The following ERC2 variants were observed in gnomAD, a reference collection of about 807,000 sequenced individuals.
ERC2 encodes ERC protein 2.
Under a neutral mutation model 114.8 loss-of-function variants are expected in ERC2, and 42 were observed. The ratio of observed to expected loss-of-function variants is 0.37; its 90% CI spans 0.29 to 0.47. The LOEUF is 0.47. ERC2 is among the 20% of genes least tolerant of loss of function. ERC2 has a pLI of 0.99. For synonymous variants in ERC2, 454 were observed against 425.5 expected (o/e 1.07, Z -0.82); for missense variants, 939 against 1,150.7 (o/e 0.82, Z 2.66).
chr3:56,134,902 ATCTC>A (rs201097847), intron 6 of ERC2, among the ~76,000 whole-genome samples: 7 of 144,912 alleles, frequency 4.8e-5, no homozygotes, highest in Non-Finnish European at 1.1e-4. Context: ...TCAGAAATAA[ATCTC>A]TCTCTTTTTT....
intron 4 of ERC2, among the ~76,000 whole-genome samples, chr3:56,164,267 C>G (rs1032045811): frequency 6.6e-6 from 1 of 151,956 alleles, no homozygotes; most frequent in Non-Finnish European, 1.5e-5. Context: ...CCTCCTTCCC[C>G]CTAGCTCCTG....
chr3:55,734,754 C>T lies in ERC2; in HGVS notation c.2712+17G>A. 1 of 1,600,076 alleles carries T rather than the reference C, an allele frequency of 6.2e-7. No individual in the cohort carries two copies. Among genetic ancestry groups the T allele is most frequent in the South Asian group, 1.1e-5 (1 of 87,938 alleles). ...CCCAAACCCAGAAAAACACACCTGT[C>T]TTGCAGGAGGCCCCACCTGCTGCTT... On this transcript the variant is annotated intron_variant, in intron 15 of 17. Transcript: ENST00000288221.
chr3:56,401,953 G>T (rs1488269729), intron 2 of ERC2, among the ~76,000 whole-genome samples: 2 of 152,204 alleles, frequency 1.3e-5, no homozygotes, highest in Non-Finnish European at 2.9e-5. Context: ...ATGGCAGAAG[G>T]CAAAGGGGAA....
chr3:56,103,815 G>A (rs2078496143), intron 6 of ERC2, among the ~76,000 whole-genome samples: 2 of 151,846 alleles, frequency 1.3e-5, no homozygotes, highest in South Asian at 4.2e-4. Flanking sequence ...AAAGGGGCAG[G>A]AGGAGAGAAG....
At chr3:56,216,543 C>G (rs1285773084) in intron 3 of ERC2, among the ~76,000 whole-genome samples, 9 of 152,214 alleles carry the variant, frequency 5.9e-5, no homozygotes, top group African/African-American at 2.2e-4. Context: ...GACAGATTCA[C>G]AGCCGAATTC....
In ERC2 at chr3:55,734,678, TG is replaced by T. The variant is rs2065512121; in HGVS notation, c.2712+92del. On this transcript the variant is annotated intron_variant, in intron 15 of 17. Transcript: ENST00000288221. ...GTTTTAGGAGCTTGAGCCCACAGGA[TG>T]GACATGGGAAAATGAAGAGTGGCTA... 5 of 1,476,126 alleles carry T rather than the reference TG, an allele frequency of 3.4e-6. No individual in the cohort carries two copies. In the South Asian group the frequency reaches 7.1e-5, roughly 21 times the overall value. 91.4% of individuals were successfully genotyped at this position (1,476,126 alleles called of 1,614,324 possible).
chr3:56,223,353 CTGAT>C (rs1013585384), intron 3 of ERC2, among the ~76,000 whole-genome samples: 7 of 152,064 alleles, frequency 4.6e-5, no homozygotes, highest in African/African-American at 1.7e-4. Context: ...TCACACCACA[CTGAT>C]TGAATTATGC....
At chr3:55,923,566 G>A (rs1449032608) in intron 13 of ERC2, among the ~76,000 whole-genome samples, 1 of 151,992 alleles carries the variant, frequency 6.6e-6, no homozygotes. Flanking sequence ...AGCAAACAAG[G>A]AATTATTTTC....
intron 2 of ERC2, among the ~76,000 whole-genome samples, chr3:56,431,830 TAC>T (rs1469157385): frequency 6.6e-6 from 1 of 152,224 alleles, no homozygotes; most frequent in Admixed American, 6.5e-5. Flanking sequence ...GTATTAAATA[TAC>T]AGATTAATAC....
At chr3:56,421,054 A>G (rs2061371469) in intron 2 of ERC2, among the ~76,000 whole-genome samples, 1 of 152,186 alleles carries the variant, frequency 6.6e-6, no homozygotes, top group Admixed American at 6.5e-5. Flanking sequence ...GTGTTGGTCA[A>G]TATAACTTCC....
At chr3:55,862,636 C>G (rs911178750) in intron 14 of ERC2, among the ~76,000 whole-genome samples, 7 of 152,198 alleles carry the variant, frequency 4.6e-5, no homozygotes, top group Non-Finnish European at 8.8e-5. Flanking sequence ...CCTGATTTCT[C>G]TTTGGCCTAG....
chr3:55,699,388 G>A lies in ERC2; in HGVS notation c.2837C>T (p.Ser946Phe). 2 of 1,613,804 alleles carry A rather than the reference G, an allele frequency of 1.2e-6. No homozygotes were observed. Among genetic ancestry groups the A allele is most frequent in the African/African-American group, 1.3e-5 (1 of 75,018 alleles). The change falls in exon 16 of 18, where the codon TCT becomes TTT. Residue 946 changes from serine (S) to phenylalanine (F), a missense_variant. By Grantham distance (155) the Ser-to-Phe change is radical. Transcript: ENST00000288221. The part of the protein sequence containing the change: ...GRSQHSNHRP[S>F]PDQDDEEGIW... Reference sequence around the variant, plus strand: ...AGCGATGAAACTGACCTGGTCCGGAGAGGGCCTGTGATTGGAATGTTGCGA... The same window carrying A: ...AGCGATGAAACTGACCTGGTCCGGAAAGGGCCTGTGATTGGAATGTTGCGA...
intron 7 of ERC2, among the ~76,000 whole-genome samples, chr3:56,046,586 G>C (rs117419480): frequency 1.3e-5 from 2 of 152,244 alleles, no homozygotes; most frequent in East Asian, 1.9e-4. Context: ...AAACAAAGAG[G>C]CTGAAGATAT....
intron 3 of ERC2, among the ~76,000 whole-genome samples, chr3:56,174,344 T>C (rs1486855119): frequency 1.3e-5 from 2 of 152,242 alleles, no homozygotes; most frequent in Admixed American, 1.3e-4. Flanking sequence ...ATAAGGACAA[T>C]GTGTGTTCAG....
chr3:56,341,703 G>C (rs2058096375), intron 2 of ERC2, among the ~76,000 whole-genome samples: 1 of 152,096 alleles, frequency 6.6e-6, no homozygotes, highest in Non-Finnish European at 1.5e-5. Context: ...AATCCTGTTA[G>C]CAATTCCTGA....
chr3:56,216,668 G>A (rs2049497973), intron 3 of ERC2, among the ~76,000 whole-genome samples: 1 of 152,154 alleles, frequency 6.6e-6, no homozygotes, highest in African/African-American at 2.4e-5. Flanking sequence ...TGATACCAAA[G>A]CCTGGCAGAG....
chr3:55,716,298 C>A (rs942996219), intron 15 of ERC2, among the ~76,000 whole-genome samples: 1 of 152,208 alleles, frequency 6.6e-6, no homozygotes, highest in Non-Finnish European at 1.5e-5. Context: ...TACAAGCACA[C>A]AGACTGATCT....
chr3:55,639,714 C>G (rs1434365380), intron 17 of ERC2, among the ~76,000 whole-genome samples: 1 of 152,228 alleles, frequency 6.6e-6, no homozygotes, highest in East Asian at 1.9e-4. Context: ...TTTAACCCAA[C>G]CAAACCTAAT....
At chr3:55,524,500 G>GTTTTT (rs34258011) in intron 17 of ERC2, among the ~76,000 whole-genome samples, 4 of 120,840 alleles carry the variant, frequency 3.3e-5, no homozygotes, top group South Asian at 2.9e-4. Flanking sequence ...AGCTCCAGTG[G>GTTTTT]TTTTTTTTTT....
Sources: gnomAD v4.1 joint callset for allele counts (sites outside exome capture counted in the v4.1 genomes callset) on GRCh38, gnomAD v4.1.1 for gene constraint, MANE v1.5 for transcripts, NCBI Gene and HGNC (gene_info 2026-07-23, HGNC 2026-07-21) for gene names.